The following BCORL1 variants were observed in gnomAD, a reference collection of about 807,000 sequenced individuals.
The protein encoded by BCORL1 is BCL-6 corepressor-like protein 1.
In BCORL1, 7 loss-of-function variants were observed where a neutral mutation model predicts 87.6. The ratio of observed to expected loss-of-function variants is 0.08; its 90% CI spans 0.05 to 0.15. The LOEUF is 0.15. Among genes scored for constraint, BCORL1 ranks in the 10% least tolerant of loss-of-function variants. The pLI, the probability that BCORL1 is intolerant of heterozygous loss-of-function variation, is 1.00. For synonymous variants in BCORL1, 591 were observed against 634.4 expected, an observed-to-expected ratio of 0.93 and a Z score of 1.03; for missense variants, 1,215 against 1,499.7, an observed-to-expected ratio of 0.81 and a Z score of 3.13.
intron 1 of BCORL1, among the ~76,000 whole-genome samples, chrX:130,004,978 A>G (rs1212113305): frequency 8.9e-6 from 1 of 112,707 alleles, no homozygotes; most frequent in Non-Finnish European, 1.9e-5. Context: ...CTAGGTGATT[A>G]ACAATGTCCT....
intron 8 of BCORL1, among the ~76,000 whole-genome samples, chrX:130,029,237 GAGGAAGGATTTTA>G (rs1343193196): frequency 9.0e-6 from 1 of 111,550 alleles, no homozygotes; most frequent in Non-Finnish European, 1.9e-5. Flanking sequence ...CAACTTGTAG[GAGGAAGGATTTTA>G]AGGTCCAGAC....
intron 8 of BCORL1, among the ~76,000 whole-genome samples, chrX:130,029,683 C>T (rs985734355): frequency 9.3e-6 from 1 of 107,370 alleles, no homozygotes; most frequent in Non-Finnish European, 1.9e-5. Context: ...GAGAGTCACA[C>T]GCTTTCGCCC....
At chrX:130,020,088 C>T (rs1208190049) in intron 4 of BCORL1, among the ~76,000 whole-genome samples, 1 of 112,106 alleles carries the variant, frequency 8.9e-6, no homozygotes, top group African/African-American at 3.2e-5. Flanking sequence ...CCCAGAGGCC[C>T]GGGCTGGGGG....
chrX:130,008,010 G>A (rs896496765), intron 2 of BCORL1, among the ~76,000 whole-genome samples: 2 of 110,038 alleles, frequency 1.8e-5, no homozygotes, highest in African/African-American at 6.6e-5. Flanking sequence ...TGCAACCTCC[G>A]CTGCCTGGGT....
chrX:130,013,321 C>T lies in BCORL1; in HGVS notation c.549C>T (p.Val183=), dbSNP rs779045172. The T allele has an allele frequency of 5.3e-5, 64 of 1,210,161 alleles. No individual in the cohort carries two copies. Among genetic ancestry groups the T allele is most frequent in the Admixed American group, 2.8e-4 (13 of 45,784 alleles). Residue 183 remains valine, a synonymous_variant, in exon 4 of 14, where the codon GTC becomes GTT. Transcript: ENST00000540052. The stretch of plus-strand genomic sequence containing the variant: ...TTTTGGCAACTCTGGGAACTGGAGT[C>T]CCTGTGGAGGGGACCCTGCCCCTGG... ...TFILATLGTG[V]PVEGTLPLVT...
At position 130,013,109 on chromosome X, in the gene BCORL1, G is replaced by A; in HGVS notation, c.337G>A (p.Val113Met). The A allele has an allele frequency of 8.3e-7, 1 of 1,210,147 alleles. No individual in the cohort carries two copies. The highest frequency in any genetic ancestry group is 1.1e-6 in the Non-Finnish European group (1 of 894,090). Residue 113 changes from valine (V) to methionine (M), a missense_variant, in exon 4 of 14, where the codon GTG becomes ATG. This residue lies in a region of BCORL1 where 861 missense variants were observed against 1,010.0 expected (regional missense o/e 0.85). Coordinates refer to ENST00000540052, the MANE Select transcript of BCORL1 (RefSeq NM_001379451.1). ...CGTGGCAGAGGCTGAGGGCCTCTTG[G>A]TGCCCCTGAGCAGCCCAGGAGACGG... Reference protein sequence around the residue: ...GNVAEAEGLLVPLSSPGDGLK... With the variant: ...GNVAEAEGLLMPLSSPGDGLK...
In BCORL1 at chrX:130,015,307, C is replaced by T; in HGVS notation, c.2535C>T (p.Gly845=). The T allele has an allele frequency of 1.7e-6, 2 of 1,211,821 alleles. No individual in the cohort carries two copies. The highest frequency in any genetic ancestry group is 2.2e-6 in the Non-Finnish European group (2 of 895,569). The change falls in exon 4 of 14, where the codon GGC becomes GGT. Residue 845 remains glycine (G), a synonymous_variant. Coordinates refer to ENST00000540052, the MANE Select transcript of BCORL1 (RefSeq NM_001379451.1). ...PYHQASLLSI[G]ISSAGQLTPS... The stretch of plus-strand genomic sequence containing the variant: ...ACCAGGCGTCTCTGCTTTCCATTGG[C>T]ATTTCCAGTGCCGGGCAGCTGACCC...
At chrX:129,982,114 G>C (rs2124277848), upstream of BCORL1, among the ~76,000 whole-genome samples, 1 of 110,207 alleles carries the variant, frequency 9.1e-6, no homozygotes, top group African/African-American at 3.3e-5. Flanking sequence ...ATAAGGTGGA[G>C]AACGTTGGAA....
At chrX:130,035,658 TG>T (rs1836782567) in intron 9 of BCORL1, among the ~76,000 whole-genome samples, 2 of 112,121 alleles carry the variant, frequency 1.8e-5, no homozygotes, top group African/African-American at 6.5e-5. Context: ...GCACCTAGTG[TG>T]CGTGCCTGGA....
At chrX:130,024,592 C>G (rs1374760376) in intron 6 of BCORL1, among the ~76,000 whole-genome samples, 1 of 111,018 alleles carries the variant, frequency 9.0e-6, no homozygotes, top group African/African-American at 3.3e-5. Flanking sequence ...GGACCCGTGG[C>G]CCTCTCCTGC....
chrX:129,987,578 A>C (rs1463464221), intron 1 of BCORL1, among the ~76,000 whole-genome samples: 1 of 111,974 alleles, frequency 8.9e-6, no homozygotes, highest in Admixed American at 9.5e-5. Context: ...AAAAGTGGGA[A>C]TCCACCAGTG....
At chrX:130,011,396 C>T (rs1446411376) in intron 2 of BCORL1, among the ~76,000 whole-genome samples, 1 of 110,710 alleles carries the variant, frequency 9.0e-6, no homozygotes. Flanking sequence ...TGCCATCACG[C>T]CTGGCTAATT....
In BCORL1 at chrX:130,013,934, C is replaced by T. The variant is rs754043220; in HGVS notation, c.1162C>T (p.Pro388Ser). The change falls in exon 4 of 14, where the codon CCC becomes TCC. Residue 388 changes from proline (P) to serine (S), a missense_variant. Around this residue, in one of 5 missense-constraint regions of BCORL1, gnomAD observed 861 missense variants for 1,010.0 expected, o/e 0.85. Transcript: ENST00000540052. ...PTPVPAPTPA[P>S]IFTPAPTPMP... ...ACCGGTGCCTGCACCCACCCCAGCC[C>T]CCATCTTTACTCCAGCCCCTACACC... is the stretch of plus-strand genomic sequence containing the variant. The T allele has an allele frequency of 8.5e-7, 1 of 1,183,263 alleles. No homozygotes were observed. Among genetic ancestry groups the T allele is most frequent in the South Asian group, 1.8e-5 (1 of 54,118 alleles).
chrX:130,004,170 T>G (rs1361035253), intron 1 of BCORL1, among the ~76,000 whole-genome samples: 1 of 109,762 alleles, frequency 9.1e-6, no homozygotes, highest in Non-Finnish European at 1.9e-5. Context: ...AGAGGGACAT[T>G]GGCTGGTGAA....
chrX:129,998,373 G>A (rs1023580025), intron 1 of BCORL1, among the ~76,000 whole-genome samples: 11 of 109,596 alleles, frequency 1.0e-4, no homozygotes, highest in Non-Finnish European at 1.9e-4. Flanking sequence ...GGTGGGGGGA[G>A]GTGGGAAGGG....
At position 130,051,897 on chromosome X, in the gene BCORL1, T is replaced by C. The variant is rs2124582504; in HGVS notation, c.4956T>C (p.Asn1652=). Residue 1652 remains asparagine, a synonymous_variant, in exon 13 of 14, where the codon AAT becomes AAC. Transcript: ENST00000540052. The part of the protein sequence containing the change: ...KDGFACDLLH[N]PPGSSDQEGD... ...GGTTTGCCTGTGACCTCCTACATAA[T>C]CCTCCTGGGAGCTCAGATCAAGAAG... is the stretch of plus-strand genomic sequence containing the variant. The C allele has an allele frequency of 8.3e-7, 1 of 1,206,888 alleles. No individual in the cohort carries two copies. Among genetic ancestry groups the C allele is most frequent in the East Asian group, 3.0e-5 (1 of 33,753 alleles).
At position 130,013,540 on chromosome X, in the gene BCORL1, G is replaced by A. The variant is rs942394147; in HGVS notation, c.768G>A (p.Pro256=). The change falls in exon 4 of 14, where the codon CCG becomes CCA. Residue 256 remains proline (P), a synonymous_variant. Transcript: ENST00000540052. ...CTTCCCCTCCCTTAGCACCTGTCCCGGCTCTGGCTCCAGCGCCACCGTCAG... is the reference window on the plus strand; with the variant it reads ...CTTCCCCTCCCTTAGCACCTGTCCCAGCTCTGGCTCCAGCGCCACCGTCAG... ...PAPSPPLAPV[P]ALAPAPPSVP... is the part of the protein sequence containing the mutation. The A allele has an allele frequency of 9.9e-6, 12 of 1,210,954 alleles. No individual in the cohort carries two copies. Among genetic ancestry groups the A allele is most frequent in the East Asian group, 3.0e-5 (1 of 33,804 alleles).
At chrX:130,016,830 T>A (rs1228950812) in intron 4 of BCORL1, among the ~76,000 whole-genome samples, 1 of 111,584 alleles carries the variant, frequency 9.0e-6, no homozygotes, top group Non-Finnish European at 1.9e-5. Context: ...GGTGTTGGTC[T>A]TGACAGGCTA....
chrX:129,995,811 A>C (rs1200390222), intron 1 of BCORL1, among the ~76,000 whole-genome samples: 1 of 112,054 alleles, frequency 8.9e-6, no homozygotes, highest in Non-Finnish European at 1.9e-5. Flanking sequence ...TAGGGAAAAC[A>C]GGAATGTTAG....
Sources: gnomAD v4.1 joint callset for allele counts (sites outside exome capture counted in the v4.1 genomes callset) on GRCh38, gnomAD v4.1.1 for gene constraint, gnomAD v4.1.1 regional missense constraint, MANE v1.5 for transcripts, NCBI Gene and HGNC (gene_info 2026-07-23, HGNC 2026-07-21) for gene names.